NXPH1: variants seen among roughly 807,000 people sequenced by gnomAD.
The protein encoded by NXPH1 is neurexophilin 1.
In NXPH1, 5 loss-of-function variants were observed where a neutral mutation model predicts 23.7. The observed-to-expected ratio is 0.21, with a 90% CI of 0.11 to 0.44. The LOEUF is 0.44. Among genes scored for constraint, NXPH1 ranks in the 20% least tolerant of loss-of-function variants. The pLI is 0.99. For synonymous variants in NXPH1, 144 were observed against 122.2 expected, an observed-to-expected ratio of 1.18 and a Z score of -1.18; for missense variants, 324 against 321.6, an observed-to-expected ratio of 1.01 and a Z score of -0.06.
intron 2 of NXPH1, among the ~76,000 whole-genome samples, chr7:8,727,156 T>C (rs1207741002): frequency 7.0e-6 from 1 of 143,588 alleles, no homozygotes; most frequent in Non-Finnish European, 1.5e-5. Flanking sequence ...TGTCTGTTCA[T>C]GTCCTTCGCC....
At chr7:8,740,360 T>C (rs151116748) in intron 2 of NXPH1, among the ~76,000 whole-genome samples, 8 of 152,288 alleles carry the variant, frequency 5.3e-5, no homozygotes, top group Admixed American at 4.6e-4. Context: ...GAAGAATAAA[T>C]ACAGGCATGT....
At chr7:8,548,271 C>T (rs1346238623) in intron 2 of NXPH1, among the ~76,000 whole-genome samples, 3 of 151,514 alleles carry the variant, frequency 2.0e-5, no homozygotes, top group Non-Finnish European at 4.4e-5. Context: ...AGCACTACTC[C>T]TAGTGTAGCT....
chr7:8,666,237 G>A (rs1333797127), intron 2 of NXPH1, among the ~76,000 whole-genome samples: 1 of 151,872 alleles, frequency 6.6e-6, no homozygotes, highest in Non-Finnish European at 1.5e-5. Flanking sequence ...AATTTGTTGA[G>A]AGGTTTTATC....
At chr7:8,749,260 C>T (rs1270553278) in intron 2 of NXPH1, among the ~76,000 whole-genome samples, 2 of 152,206 alleles carry the variant, frequency 1.3e-5, no homozygotes, top group African/African-American at 4.8e-5. Context: ...TCCTCACAAA[C>T]TTATGAAGTA....
At chr7:8,592,452 C>G (rs1190803003) in intron 2 of NXPH1, among the ~76,000 whole-genome samples, 1 of 151,812 alleles carries the variant, frequency 6.6e-6, no homozygotes, top group African/African-American at 2.4e-5. Context: ...GTAAGTCATG[C>G]CTTTTGTAGG....
Position 8,678,961 on chromosome 7 carries a change from T to G in NXPH1, c.55-72047T>G, listed in dbSNP as rs867199529. ...TTTTTTTTTTTTTTTTTTTTTTTTTTTTGTTGAGACGGAGTCTCGCTCTGT... is the reference window on the plus strand; with the variant it reads ...TTTTTTTTTTTTTTTTTTTTTTTTTGTTGTTGAGACGGAGTCTCGCTCTGT... On this transcript the variant is annotated intron_variant, in intron 2 of 2. Transcript: ENST00000405863. 1.4e-3 allele frequency among the ~76,000 whole-genome samples: 123 copies of G among 88,214 alleles called. 2 individuals carry two copies. The highest frequency in any genetic ancestry group is 2.3e-3 in the Non-Finnish European group (96 of 42,142). The allele number at this position is 88,214 out of a possible 152,430, so 57.9% of individuals were successfully genotyped here. A position where few individuals can be genotyped will look rare whatever the true frequency, so the allele number is the denominator to read the frequency against.
intron 2 of NXPH1, among the ~76,000 whole-genome samples, chr7:8,518,419 A>G (rs1468137184): frequency 6.6e-6 from 1 of 152,160 alleles, no homozygotes; most frequent in African/African-American, 2.4e-5. Context: ...TAAAATTATT[A>G]AAAAAGAAAA....
At chr7:8,665,830 A>C (rs2107470) in intron 2 of NXPH1, among the ~76,000 whole-genome samples, 94,761 of 149,526 alleles carry the variant, frequency 0.63, 30,969 homozygotes, top group Middle Eastern at 0.76. Context: ...TAGTGTATAG[A>C]AATGCTACTG....
At chr7:8,676,305 G>A (rs1820952048) in intron 2 of NXPH1, among the ~76,000 whole-genome samples, 1 of 152,116 alleles carries the variant, frequency 6.6e-6, no homozygotes, top group African/African-American at 2.4e-5. Context: ...GTCTATCAAA[G>A]CAAAGGATGG....
At chr7:8,664,909 T>C (rs1166573349) in intron 2 of NXPH1, among the ~76,000 whole-genome samples, 1 of 152,078 alleles carries the variant, frequency 6.6e-6, no homozygotes, top group Non-Finnish European at 1.5e-5. Context: ...AGTTCTTGTA[T>C]ATTTTGTGTT....
intron 2 of NXPH1, among the ~76,000 whole-genome samples, chr7:8,549,075 A>G (rs1818238359): frequency 6.6e-6 from 1 of 151,576 alleles, no homozygotes; most frequent in Admixed American, 6.6e-5. Context: ...AGCATCTTAA[A>G]AGATAAATTA....
intron 2 of NXPH1, among the ~76,000 whole-genome samples, chr7:8,456,096 C>G (rs1486844549): frequency 3.3e-5 from 5 of 152,156 alleles, no homozygotes; most frequent in Admixed American, 6.5e-5. Context: ...AGTTAATTGT[C>G]TTACCTGGGT....
chr7:8,610,219 G>A lies in NXPH1; in HGVS notation c.55-140789G>A, dbSNP rs186397631. Reference sequence around the variant, plus strand: ...AAATATTTTCCTTTGAAATTTCTAAGAAAGGAGAGCCTTTCTGTGAATTAA... The same window carrying A: ...AAATATTTTCCTTTGAAATTTCTAAAAAAGGAGAGCCTTTCTGTGAATTAA... On this transcript the variant is annotated intron_variant, in intron 2 of 2. Transcript: ENST00000405863. Among the ~76,000 whole-genome samples, 493 of 152,166 alleles carry A rather than the reference G, an allele frequency of 3.2e-3. 5 individuals are homozygous for A. The highest frequency in any genetic ancestry group is 0.012 in the African/African-American group (479 of 41,548).
intron 2 of NXPH1, among the ~76,000 whole-genome samples, chr7:8,626,650 A>T (rs1819996736): frequency 6.6e-6 from 1 of 152,064 alleles, no homozygotes; most frequent in African/African-American, 2.4e-5. Flanking sequence ...GTGTTCTTTA[A>T]TTGTCCATTT....
chr7:8,492,905 G>A (rs192570810), intron 2 of NXPH1, among the ~76,000 whole-genome samples: 2 of 151,962 alleles, frequency 1.3e-5, no homozygotes, highest in Non-Finnish European at 2.9e-5. Flanking sequence ...TAGCCAGAGT[G>A]TTCTAAGTGA....
chr7:8,472,637 C>T (rs1193633016), intron 2 of NXPH1, among the ~76,000 whole-genome samples: 2 of 152,088 alleles, frequency 1.3e-5, no homozygotes, highest in African/African-American at 4.8e-5. Flanking sequence ...GGATAGGATA[C>T]CACAATCTGA....
intron 2 of NXPH1, among the ~76,000 whole-genome samples, chr7:8,542,150 A>T (rs554826850): frequency 6.6e-6 from 1 of 151,496 alleles, no homozygotes; most frequent in East Asian, 1.9e-4. Context: ...GAAAAAATAT[A>T]CAATGTTAAC....
At chr7:8,710,198 G>T (rs567434537) in intron 2 of NXPH1, among the ~76,000 whole-genome samples, 1 of 152,098 alleles carries the variant, frequency 6.6e-6, no homozygotes, top group African/African-American at 2.4e-5. Flanking sequence ...GAAGAGGAGG[G>T]GTCCTGCAAG....
chr7:8,749,734 T>C (rs1160034360), intron 2 of NXPH1, among the ~76,000 whole-genome samples: 1 of 152,282 alleles, frequency 6.6e-6, no homozygotes, highest in South Asian at 2.1e-4. Context: ...GGCTTTTTAA[T>C]GGGTAGCTGG....
Sources: gnomAD v4.1 joint callset for allele counts (sites outside exome capture counted in the v4.1 genomes callset) on GRCh38, gnomAD v4.1.1 for gene constraint, MANE v1.5 for transcripts, NCBI Gene and HGNC (gene_info 2026-07-23, HGNC 2026-07-21) for gene names.